USP35: variants seen among roughly 807,000 people sequenced by gnomAD.
USP35 encodes the protein ubiquitin carboxyl-terminal hydrolase 35.
A neutral mutation model predicts 83.8 loss-of-function variants in USP35; 69 were observed. That is an observed-to-expected ratio of 0.82 (90% CI 0.68 to 1.01). The LOEUF is 1.01. Ranked by LOEUF, USP35 falls within the 50% of genes least tolerant of loss-of-function variation. The pLI is 0.00. For synonymous variants in USP35, 714 were observed against 589.5 expected, an observed-to-expected ratio of 1.21 and a Z score of -3.06; for missense variants, 1,503 against 1,362.5, an observed-to-expected ratio of 1.10 and a Z score of -1.62.
At chr11:78,205,800 C>T in intron 6 of USP35, 42 bp from the exon 7 acceptor site, 1 of 1,574,742 alleles carries the variant, frequency 6.4e-7, no homozygotes, top group East Asian at 2.3e-5. Context: ...TGAGCTGACC[C>T]TGGTGCCCAC....
At chr11:78,208,722 G>C (rs2256187) in intron 8 of USP35, 135 bp from the exon 9 acceptor site, 2 of 901,832 alleles carry the variant, frequency 2.2e-6, no homozygotes, top group Non-Finnish European at 3.5e-6. Flanking sequence ...ATAGAAAAGC[G>C]GGGAGGACCT....
rs1435839109 is a variant in USP35, at chr11:78,214,384, G to GGA, written c.*572_*573insAG. ...AAGCGCCACTGCATGGTTTTGGGGG[G>GGA]GGGGGCGGGGGGCTAGCTTCTCACA... On this transcript the variant is annotated 3_prime_UTR_variant, in exon 11 of 11. Transcript: ENST00000529308. The GGA allele has an allele frequency of 1.6e-5, 2 of 128,954 alleles. No individual in the cohort carries two copies. Among genetic ancestry groups the GGA allele is most frequent in the East Asian group, 2.2e-4 (1 of 4,458 alleles). 8.0% of individuals were successfully genotyped at this position (128,954 alleles called of 1,614,324 possible). A position where few individuals can be genotyped will look rare whatever the true frequency, so the allele number is the denominator to read the frequency against.
chr11:78,224,617 G>A, the USP35 span, among the ~76,000 whole-genome samples: 3 of 152,176 alleles, frequency 2.0e-5, no homozygotes, highest in African/African-American at 7.2e-5. Context: ...CAGTGGGCCT[G>A]AAGCCAGGCC....
intron 3 of USP35, chr11:78,198,615 A>G (rs1214834982): frequency 1.0e-6 from 1 of 985,356 alleles, no homozygotes; most frequent in Non-Finnish European, 1.2e-6. Context: ...TCCACCTGGC[A>G]TGCCTCCCTC....
intron 1 of USP35, among the ~76,000 whole-genome samples, chr11:78,195,299 G>A (rs1863111405): frequency 6.6e-6 from 1 of 152,194 alleles, no homozygotes; most frequent in South Asian, 2.1e-4. Flanking sequence ...GATAGGCTTT[G>A]AAGGAAAAGA....
chr11:78,213,640 T>G lies in USP35; in HGVS notation c.2890-6T>G. ...AGTCTAAGTCTCCTCTCATCTGTGT[T>G]CCCAGGAGCAGGAGAAGGAGGCCCG... On this transcript the variant is annotated splice_polypyrimidine_tract_variant and splice_region_variant and intron_variant, in intron 10 of 10. Coordinates refer to ENST00000529308, the MANE Select transcript of USP35 (RefSeq NM_020798.4). 2.0e-6 allele frequency: 3 copies of G among 1,480,398 alleles called. No individual in the cohort carries two copies. The highest frequency in any genetic ancestry group is 1.8e-6 in the Non-Finnish European group (2 of 1,121,082). 91.7% of individuals were successfully genotyped at this position (1,480,398 alleles called of 1,614,324 possible). A position where few individuals can be genotyped will look rare whatever the true frequency, so the allele number is the denominator to read the frequency against.
At position 78,200,128 on chromosome 11, in the gene USP35, T is replaced by G. The variant is rs766513046; in HGVS notation, c.937-5T>G. The G allele has an allele frequency of 1.2e-6, 2 of 1,614,010 alleles. No individual in the cohort carries two copies. Among genetic ancestry groups the G allele is most frequent in the Non-Finnish European group, 1.7e-6 (2 of 1,179,980 alleles). Reference sequence around the variant, plus strand: ...GGGGACTCCTGACCAGGGACTCTCTTGTAGGTTTTCTCTAAGCTGCTGTAC... The same window carrying G: ...GGGGACTCCTGACCAGGGACTCTCTGGTAGGTTTTCTCTAAGCTGCTGTAC... On this transcript the variant is annotated splice_region_variant and splice_polypyrimidine_tract_variant and intron_variant, in intron 4 of 10. Coordinates refer to ENST00000529308, the MANE Select transcript of USP35 (RefSeq NM_020798.4).
At chr11:78,192,468 G>T (rs1477518256) in intron 1 of USP35, among the ~76,000 whole-genome samples, 1 of 152,236 alleles carries the variant, frequency 6.6e-6, no homozygotes, top group African/African-American at 2.4e-5. Context: ...GCCTGATGGG[G>T]CCAGGTGAGG....
At position 78,210,466 on chromosome 11, in the gene USP35, G is replaced by T; in HGVS notation, c.2611G>T (p.Ala871Ser). The T allele has an allele frequency of 6.2e-7, 1 of 1,614,200 alleles. No homozygotes were observed. The highest frequency in any genetic ancestry group is 8.5e-7 in the Non-Finnish European group (1 of 1,180,026). ...CTACTACTGCTATGCCCGTGAGGGC[G>T]CTGCCCGCCCTGCCGCTTCTCTGGG... ...GHYYCYAREG[A>S]ARPAASLGTA... is the part of the protein sequence containing the mutation. The change falls in exon 10 of 11, where the codon GCT (alanine) becomes TCT (serine). Residue 871 changes from alanine to serine, a missense_variant. Physicochemically the swap from Ala to Ser is moderately conservative, Grantham distance 99. Transcript: ENST00000529308.
At chr11:78,236,358 T>G in the USP35 span, among the ~76,000 whole-genome samples, 18 of 152,352 alleles carry the variant, frequency 1.2e-4, no homozygotes, top group African/African-American at 4.3e-4. Context: ...GCCATGTTGC[T>G]CAGGCTGGTC....
At chr11:78,195,465 T>C (rs1863115864) in intron 1 of USP35, among the ~76,000 whole-genome samples, 1 of 152,018 alleles carries the variant, frequency 6.6e-6, no homozygotes. Flanking sequence ...TGCGAGGCAT[T>C]CTGGGACCTC....
At chr11:78,227,111 G>T in the USP35 span, 2 of 1,124,658 alleles carry the variant, frequency 1.8e-6, no homozygotes, top group Non-Finnish European at 2.6e-6. Flanking sequence ...GTGTGACCTT[G>T]AGGCAAAGCA....
rs1174556406 is a variant in USP35, at chr11:78,209,955, C to T, written c.2100C>T (p.Thr700=). 3.1e-6 allele frequency: 5 copies of T among 1,608,960 alleles called. No homozygotes were observed. The highest frequency in any genetic ancestry group is 4.2e-6 in the Non-Finnish European group (5 of 1,177,588). ...KEEVGEEEES[T]RGEGEREKEE... ...AAGTGGGGGAGGAGGAGGAAAGCAC[C>T]AGAGGGGAAGGAGAGAGGGAGAAAG... Residue 700 remains threonine, a synonymous_variant, in exon 10 of 11, where the codon ACC becomes ACT. Transcript: ENST00000529308.
intron 9 of USP35, among the ~76,000 whole-genome samples, 197 bp from the exon 10 acceptor site, chr11:78,209,251 T>C (rs1008264415): frequency 2.4e-4 from 36 of 151,936 alleles, no homozygotes; most frequent in African/African-American, 8.2e-4. Flanking sequence ...CAAGTCTTTA[T>C]GTAGGGCGTG....
chr11:78,219,512 G>C (rs1179412638), downstream of USP35: 4 of 1,131,904 alleles, frequency 3.5e-6, no homozygotes, highest in African/African-American at 4.6e-5. Flanking sequence ...CTGTCTGAAG[G>C]GGAGAAGAGC....
chr11:78,230,475 G>A, the USP35 span, among the ~76,000 whole-genome samples: 1 of 152,196 alleles, frequency 6.6e-6, no homozygotes, highest in Admixed American at 6.5e-5. Flanking sequence ...TCCTTTTTAT[G>A]GTAATCATTC....
chr11:78,209,465 A>G lies in USP35; in HGVS notation c.1610A>G (p.Lys537Arg). The G allele has an allele frequency of 6.2e-7, 1 of 1,608,078 alleles. No individual in the cohort carries two copies. Among genetic ancestry groups the G allele is most frequent in the Non-Finnish European group, 8.5e-7 (1 of 1,176,308 alleles). ...TGCCCCAGGCTGCACGAAGAGGAGA[A>G]AACGGGCACAAGGATCTGCCAGAAA... The part of the protein sequence containing the change: ...YLLDRLHEEE[K>R]TGTRICQKLK... The change falls in exon 10 of 11, where the codon AAA becomes AGA. Residue 537 changes from lysine to arginine, a missense_variant. Coordinates refer to ENST00000529308, the MANE Select transcript of USP35 (RefSeq NM_020798.4).
chr11:78,231,703 T>C, the USP35 span: 4 of 152,342 alleles, frequency 2.6e-5, no homozygotes, highest in East Asian at 5.8e-4. Context: ...CATTTTGTAC[T>C]TGTTCTTCCA....
chr11:78,190,568 T>C (rs1034611791), intron 1 of USP35, among the ~76,000 whole-genome samples: 4 of 152,210 alleles, frequency 2.6e-5, no homozygotes, highest in Non-Finnish European at 5.9e-5. Flanking sequence ...TACTGGGCAC[T>C]GGGCTCAGAG....
Sources: allele counts gnomAD v4.1 joint callset (sites outside exome capture counted in the v4.1 genomes callset), GRCh38; gene constraint gnomAD v4.1.1; transcripts MANE v1.5; gene names NCBI Gene and HGNC (gene_info 2026-07-23, HGNC 2026-07-21).